Variants in ATG7 observed in about 807,000 individuals in gnomAD.
ATG7 encodes ubiquitin-like modifier-activating enzyme ATG7.
A neutral mutation model predicts 82.4 loss-of-function variants in ATG7; 70 were observed. The observed-to-expected ratio is 0.85, with a 90% CI of 0.70 to 1.04. The LOEUF (loss-of-function observed/expected upper bound fraction) is 1.04. ATG7 is among the 50% of genes least tolerant of loss of function. The pLI is 0.00. For synonymous variants in ATG7, 287 were observed against 313.0 expected, an observed-to-expected ratio of 0.92 and a Z score of 0.88; for missense variants, 792 against 864.3, an observed-to-expected ratio of 0.92 and a Z score of 1.05.
chr3:11,384,126 T>C (rs1032261720), intron 19 of ATG7, among the ~76,000 whole-genome samples: 1 of 152,218 alleles, frequency 6.6e-6, no homozygotes, highest in Admixed American at 6.5e-5. Flanking sequence ...TTCTTTGCAA[T>C]AATAACCTTG....
downstream of ATG7, among the ~76,000 whole-genome samples, chr3:11,562,350 T>G (rs946450102): frequency 2.6e-5 from 4 of 152,194 alleles, no homozygotes; most frequent in African/African-American, 4.8e-5. Context: ...TCTGGGAACT[T>G]TCCTGTCCCA....
intron 13 of ATG7, among the ~76,000 whole-genome samples, chr3:11,343,410 T>C (rs1270489941): frequency 6.6e-6 from 1 of 152,208 alleles, no homozygotes. Context: ...TTTTATTTCT[T>C]TTGTGAGTTT....
intron 20 of ATG7, among the ~76,000 whole-genome samples, chr3:11,524,805 C>CAA (rs199851494): frequency 6.7e-6 from 1 of 149,958 alleles, no homozygotes; most frequent in African/African-American, 2.5e-5. Flanking sequence ...AAAACAAAAA[C>CAA]AAAAAAAAAC....
At chr3:11,545,287 G>GT (rs1180099857) in intron 20 of ATG7, among the ~76,000 whole-genome samples, 4 of 152,170 alleles carry the variant, frequency 2.6e-5, no homozygotes, top group Non-Finnish European at 4.4e-5. Flanking sequence ...TGATGGGATT[G>GT]TTTTTTTGAG....
intron 20 of ATG7, among the ~76,000 whole-genome samples, chr3:11,491,770 G>A (rs1022671179): frequency 6.6e-6 from 1 of 152,228 alleles, no homozygotes; most frequent in African/African-American, 2.4e-5. Context: ...ACTAGCAGCG[G>A]TGTCTGCAGA....
intron 20 of ATG7, among the ~76,000 whole-genome samples, chr3:11,501,967 G>A (rs2091360152): frequency 6.6e-6 from 1 of 152,146 alleles, no homozygotes; most frequent in Non-Finnish European, 1.5e-5. Flanking sequence ...GGGATTACAG[G>A]CGTGATCCTG....
At chr3:11,316,128 C>G (rs1949377250) in intron 9 of ATG7, among the ~76,000 whole-genome samples, 1 of 152,114 alleles carries the variant, frequency 6.6e-6, no homozygotes, top group Non-Finnish European at 1.5e-5. Flanking sequence ...GTTCAGGCCC[C>G]TCATATCACA....
chr3:11,398,166 T>A (rs574865425), intron 19 of ATG7, among the ~76,000 whole-genome samples: 3 of 152,230 alleles, frequency 2.0e-5, no homozygotes, highest in Non-Finnish European at 4.4e-5. Context: ...GGAAGGGTTA[T>A]TGAACTTGGT....
At chr3:11,320,146 C>G (rs906961162) in intron 9 of ATG7, among the ~76,000 whole-genome samples, 1 of 152,122 alleles carries the variant, frequency 6.6e-6, no homozygotes. Context: ...TCTTCTCTCT[C>G]TTTTCTTTAC....
the ATG7 span, among the ~76,000 whole-genome samples, chr3:11,572,433 G>A: frequency 6.6e-6 from 1 of 152,198 alleles, no homozygotes; most frequent in Non-Finnish European, 1.5e-5. Context: ...AAATGAAAAT[G>A]TGCTCTCATA....
At chr3:11,503,614 G>A (rs1383923530) in intron 20 of ATG7, among the ~76,000 whole-genome samples, 4 of 151,800 alleles carry the variant, frequency 2.6e-5, no homozygotes, top group African/African-American at 9.7e-5. Context: ...AAATTAGCTG[G>A]GCATGGTGGC....
chr3:11,459,837 A>G (rs1345912876), intron 20 of ATG7, among the ~76,000 whole-genome samples: 1 of 152,226 alleles, frequency 6.6e-6, no homozygotes, highest in Non-Finnish European at 1.5e-5. Context: ...GACTTTAGCC[A>G]GGCCACGTAT....
rs6776334 is a variant in ATG7, at chr3:11,541,667, C to T, written c.2080-13144C>T. ...AGTTGGTGTGTTTATATCCTGCGTC[C>T]TCCCCACCTCACCCTGGAACTCTGA... On this transcript the variant is annotated intron_variant, in intron 20 of 20. Transcript: ENST00000693202. Among the ~76,000 whole-genome samples, 1,169 of 152,280 alleles carry T rather than the reference C, an allele frequency of 7.7e-3. 12 individuals are homozygous for T. The highest frequency in any genetic ancestry group is 0.027 in the African/African-American group (1,123 of 41,550).
At position 11,340,559 on chromosome 3, in the gene ATG7, G is replaced by C. The variant is rs1246666963; in HGVS notation, c.890-86G>C. 4 of 1,217,586 alleles carry C rather than the reference G, an allele frequency of 3.3e-6. No homozygotes were observed. In the African/African-American group the frequency reaches 6.1e-5, roughly 19 times the overall value. The allele number at this position is 1,217,586 out of a possible 1,614,324, so 75.4% of individuals were successfully genotyped here. On this transcript the variant is annotated intron_variant, in intron 11 of 20. Transcript: ENST00000693202. ...CAATGCATGGGCCATTATGAATGTC[G>C]ATCTTTTTTATGTAAGGTCGTTGCT...
chr3:11,370,341 C>CTT lies in ATG7; in HGVS notation c.1875+5608_1875+5609dup, dbSNP rs1290872414. On this transcript the variant is annotated intron_variant, in intron 18 of 20. Coordinates refer to ENST00000693202, the MANE Select transcript of ATG7 (RefSeq NM_001349232.2). ...TTTTCTGCCCCCTTGGTGACTCTAG[C>CTT]TTAATAGCGAGAGTTGGGTCAGTGG... Among the ~76,000 whole-genome samples the CTT allele has an allele frequency of 3.3e-5, 5 of 150,972 alleles. 1 individual carries two copies. The highest frequency in any genetic ancestry group is 1.3e-4 in the Admixed American group (2 of 15,106).
intron 20 of ATG7, among the ~76,000 whole-genome samples, chr3:11,503,472 A>G (rs563176774): frequency 6.6e-6 from 1 of 152,222 alleles, no homozygotes; most frequent in African/African-American, 2.4e-5. Flanking sequence ...AAAAAAGGAT[A>G]TTCAGGCCGG....
intron 20 of ATG7, among the ~76,000 whole-genome samples, chr3:11,544,234 G>A (rs925101749): frequency 2.6e-5 from 4 of 152,220 alleles, no homozygotes; most frequent in Non-Finnish European, 5.9e-5. Flanking sequence ...GCAGGAATCT[G>A]GGAGCCAGGA....
intron 20 of ATG7, among the ~76,000 whole-genome samples, chr3:11,473,179 T>C (rs2087738688): frequency 6.6e-6 from 1 of 152,188 alleles, no homozygotes; most frequent in Admixed American, 6.5e-5. Context: ...ACTTTGGGCT[T>C]TGTTTCATTT....
At chr3:11,438,292 G>A (rs951364640) in intron 20 of ATG7, among the ~76,000 whole-genome samples, 13 of 152,170 alleles carry the variant, frequency 8.5e-5, no homozygotes, top group African/African-American at 2.9e-4. Context: ...GTCCCCAATG[G>A]TGGAGGCTTT....
Sources: allele counts gnomAD v4.1 joint callset (sites outside exome capture counted in the v4.1 genomes callset), GRCh38; gene constraint gnomAD v4.1.1; transcripts MANE v1.5; gene names NCBI Gene and HGNC (gene_info 2026-07-23, HGNC 2026-07-21).